ARID5B: variants seen among roughly 807,000 people sequenced by gnomAD.
ARID5B encodes the protein AT-rich interactive domain-containing protein 5B.
ARID5B carries 13 observed loss-of-function variants against 97.2 expected under a neutral mutation model. That is an observed-to-expected ratio of 0.13 (90% CI 0.09 to 0.21). The LOEUF (loss-of-function observed/expected upper bound fraction) is 0.21. ARID5B is among the 10% of genes least tolerant of loss of function. The probability of loss-of-function intolerance (pLI) is 1.00; values close to 1 mark genes in which losing one functional copy is unlikely to be tolerated. For missense variants in ARID5B, 1,210 were observed against 1,465.3 expected (o/e 0.83, Z 2.84); for synonymous variants, 556 against 570.3 (o/e 0.97, Z 0.36).
chr10:62,085,676 G>T, intron 8 of ARID5B, 26 bp from the exon 9 acceptor site: 1 of 1,573,476 alleles, frequency 6.4e-7, no homozygotes, highest in Non-Finnish European at 8.6e-7. Context: ...TCAACTGACC[G>T]ATCATCTCTT....
At chr10:62,084,720 G>A (rs1054842980) in intron 8 of ARID5B, among the ~76,000 whole-genome samples, 2 of 152,130 alleles carry the variant, frequency 1.3e-5, no homozygotes, top group Admixed American at 6.5e-5. Flanking sequence ...AAAGAGCTAC[G>A]TCGCAAAGGG....
intron 4 of ARID5B, among the ~76,000 whole-genome samples, chr10:62,016,902 G>A (rs1488516120): frequency 1.3e-5 from 2 of 152,182 alleles, no homozygotes; most frequent in Non-Finnish European, 2.9e-5. Flanking sequence ...ATGAGGCTAT[G>A]TACAAAAGGC....
intron 2 of ARID5B, among the ~76,000 whole-genome samples, chr10:61,924,233 C>A (rs1040978377): frequency 6.6e-6 from 1 of 152,136 alleles, no homozygotes; most frequent in Non-Finnish European, 1.5e-5. Context: ...TGGACTCAGG[C>A]GGTTGTAGTT....
intron 3 of ARID5B, among the ~76,000 whole-genome samples, chr10:61,958,281 G>A (rs1045728139): frequency 3.3e-5 from 5 of 152,090 alleles, no homozygotes; most frequent in African/African-American, 7.2e-5. Context: ...ACGGATTCTT[G>A]TGGATTGGTG....
chr10:62,005,160 A>T (rs1839130497), intron 4 of ARID5B, among the ~76,000 whole-genome samples: 1 of 152,198 alleles, frequency 6.6e-6, no homozygotes, highest in South Asian at 2.1e-4. Context: ...TCAATATGAA[A>T]ATACACATTC....
intron 3 of ARID5B, among the ~76,000 whole-genome samples, chr10:61,997,311 T>G (rs1839014304): frequency 6.6e-6 from 1 of 151,862 alleles, no homozygotes; most frequent in Admixed American, 6.6e-5. Context: ...CACAGAAGAT[T>G]GCCAGGGAGC....
chr10:61,953,781 C>T (rs888563781), intron 3 of ARID5B, among the ~76,000 whole-genome samples: 9 of 152,134 alleles, frequency 5.9e-5, no homozygotes, highest in African/African-American at 2.2e-4. Context: ...TACGTTAGAT[C>T]ATCTATAGGG....
chr10:61,937,930 C>T (rs1339120830), intron 2 of ARID5B, among the ~76,000 whole-genome samples: 1 of 152,144 alleles, frequency 6.6e-6, no homozygotes, highest in African/African-American at 2.4e-5. Context: ...AGATTTCCTT[C>T]TATGGCATTT....
chr10:62,041,158 C>T (rs1193954258), intron 4 of ARID5B, among the ~76,000 whole-genome samples: 1 of 152,194 alleles, frequency 6.6e-6, no homozygotes, highest in Non-Finnish European at 1.5e-5. Flanking sequence ...TCATTCTGTA[C>T]CCTCACCCCA....
chr10:62,075,631 C>T (rs1229233225), intron 8 of ARID5B, among the ~76,000 whole-genome samples: 1 of 152,254 alleles, frequency 6.6e-6, no homozygotes, highest in Non-Finnish European at 1.5e-5. Flanking sequence ...GCTCCTCTTT[C>T]ACTTCAGGTC....
intron 4 of ARID5B, among the ~76,000 whole-genome samples, chr10:62,008,088 ACACACACACACT>A (rs1482160130): frequency 7.5e-6 from 1 of 133,644 alleles, no homozygotes; most frequent in African/African-American, 2.8e-5. Context: ...ACACACACAC[ACACACACACACT>A]GCCACATAAG....
chr10:61,949,612 T>C (rs904097281), intron 3 of ARID5B, among the ~76,000 whole-genome samples: 1 of 151,976 alleles, frequency 6.6e-6, no homozygotes, highest in African/African-American at 2.4e-5. Flanking sequence ...ACTCCAGCCT[T>C]GGCAACAAGA....
chr10:62,092,928 G>C lies in ARID5B; in HGVS notation c.3465G>C (p.Gly1155=), dbSNP rs1425734362. Residue 1155 remains glycine (G), a synonymous_variant, in exon 10 of 10, where the codon GGG becomes GGC. Transcript: ENST00000279873. ...AAATPVGSSY[G]DLLHNSIYPL... The stretch of plus-strand genomic sequence containing the variant: ...CTACACCTGTAGGAAGTTCATATGG[G>C]GACCTTTTGCATAACAGCATTTACC... 1 of 1,614,104 alleles carries C rather than the reference G, an allele frequency of 6.2e-7. No homozygotes were observed. Among genetic ancestry groups the C allele is most frequent in the Non-Finnish European group, 8.5e-7 (1 of 1,180,020 alleles).
chr10:61,980,184 T>C (rs1838758419), intron 3 of ARID5B, among the ~76,000 whole-genome samples: 1 of 152,232 alleles, frequency 6.6e-6, no homozygotes, highest in Non-Finnish European at 1.5e-5. Flanking sequence ...TTTTAATCTT[T>C]TCCTATGGAG....
chr10:61,945,339 A>G (rs1844482477), intron 3 of ARID5B, among the ~76,000 whole-genome samples: 1 of 152,180 alleles, frequency 6.6e-6, no homozygotes, highest in African/African-American at 2.4e-5. Flanking sequence ...ATTCTCAGCC[A>G]CAAAAAAAGA....
intron 3 of ARID5B, among the ~76,000 whole-genome samples, chr10:61,947,261 C>CTTTTTTTTTTTTTTTTTTTTTTTTTTT (rs199587188): frequency 8.0e-6 from 1 of 124,266 alleles, no homozygotes; most frequent in Non-Finnish European, 1.7e-5. Flanking sequence ...CACTTACTTT[C>CTTTTTTTTTTTTTTTTTTTTTTTTTTT]TTTTTTTTTT....
rs139990441 is a variant in ARID5B, at chr10:62,080,776, G to A, written c.1200-4926G>A. 1.5e-3 allele frequency among the ~76,000 whole-genome samples: 231 copies of A among 151,524 alleles called. 2 individuals are homozygous for A. Among genetic ancestry groups the A allele is most frequent in the Non-Finnish European group, 2.8e-3 (190 of 67,888 alleles). On this transcript the variant is annotated intron_variant, in intron 8 of 9. Transcript: ENST00000279873. ...CCCAGTTGAACCAATATGTCATTTC[G>A]TTGTTACTACAAAAAAAAAGCCTAA... is the stretch of plus-strand genomic sequence containing the variant.
At chr10:61,996,968 G>A in intron 3 of ARID5B, among the ~76,000 whole-genome samples, 1 of 151,636 alleles carries the variant, frequency 6.6e-6, no homozygotes, top group East Asian at 1.9e-4. Flanking sequence ...AGTAAACTCA[G>A]AGTTACTGGT....
chr10:62,095,268 T>A lies in ARID5B; in HGVS notation c.*2238T>A. ...ACACATATAAGAAAGTTGCACTAGA[T>A]TGAATGGTCACAGAATCGGAGGACA... On this transcript the variant is annotated 3_prime_UTR_variant, in exon 10 of 10. Transcript: ENST00000279873. The A allele has an allele frequency of 4.3e-6, 1 of 233,434 alleles. No individual in the cohort carries two copies. The highest frequency in any genetic ancestry group is 6.0e-5 in the East Asian group (1 of 16,570). 14.5% of individuals were successfully genotyped at this position (233,434 alleles called of 1,614,324 possible).
Sources: allele counts gnomAD v4.1 joint callset (sites outside exome capture counted in the v4.1 genomes callset), GRCh38; gene constraint gnomAD v4.1.1; transcripts MANE v1.5; gene names NCBI Gene and HGNC (gene_info 2026-07-23, HGNC 2026-07-21).